GRM8: variants seen among roughly 807,000 people sequenced by gnomAD.
GRM8 encodes the protein metabotropic glutamate receptor 8.
GRM8 carries 47 observed loss-of-function variants against 87.2 expected under a neutral mutation model. The observed-to-expected ratio is 0.54, with a 90% CI of 0.43 to 0.69. The LOEUF is 0.69. Among genes scored for constraint, GRM8 ranks in the 30% least tolerant of loss-of-function variants. The pLI, the probability that GRM8 is intolerant of heterozygous loss-of-function variation, is 0.00. For missense variants in GRM8, 1,019 were observed against 1,139.2 expected, an observed-to-expected ratio of 0.89 and a Z score of 1.52; for synonymous variants, 396 against 404.5, an observed-to-expected ratio of 0.98 and a Z score of 0.25.
chr7:127,021,222 A>G (rs970994824), intron 3 of GRM8, among the ~76,000 whole-genome samples: 11 of 151,950 alleles, frequency 7.2e-5, no homozygotes, highest in Admixed American at 6.6e-4. Context: ...CTTGGCTTCC[A>G]CACTGTATAG....
At chr7:126,730,107 G>T (rs992354119) in intron 7 of GRM8, among the ~76,000 whole-genome samples, 8 of 152,168 alleles carry the variant, frequency 5.3e-5, no homozygotes, top group Non-Finnish European at 1.2e-4. Flanking sequence ...TAATGTAAGA[G>T]TAATGTTTGA....
chr7:127,135,491 T>C (rs1827898091), intron 2 of GRM8, among the ~76,000 whole-genome samples: 1 of 151,950 alleles, frequency 6.6e-6, no homozygotes, highest in Non-Finnish European at 1.5e-5. Context: ...AGATTTAACA[T>C]TGTTCTGTAG....
intron 7 of GRM8, among the ~76,000 whole-genome samples, chr7:126,710,304 G>A (rs372618537): frequency 6.6e-6 from 1 of 152,080 alleles, no homozygotes; most frequent in Admixed American, 6.6e-5. Context: ...ATAAAGTACG[G>A]CATTGATTGA....
intron 6 of GRM8, among the ~76,000 whole-genome samples, chr7:126,829,350 G>C (rs1233968553): frequency 7.5e-6 from 1 of 134,120 alleles, no homozygotes; most frequent in Admixed American, 7.7e-5. Flanking sequence ...TCTCTTTGTA[G>C]GTCACTCAGG....
At chr7:127,007,049 C>CCCAT (rs552787106) in intron 3 of GRM8, among the ~76,000 whole-genome samples, 95 of 152,058 alleles carry the variant, frequency 6.2e-4, no homozygotes, top group African/African-American at 2.0e-3. Context: ...GAAGGTGGAA[C>CCCAT]CCATCTTTCC....
intron 8 of GRM8, among the ~76,000 whole-genome samples, 145 bp downstream of exon 8, chr7:126,609,208 ATAACATTTT>A (rs1798667040): frequency 6.6e-6 from 1 of 152,250 alleles, no homozygotes; most frequent in Admixed American, 6.5e-5. Context: ...AAGAATGTCC[ATAACATTTT>A]TAAATTGAAG....
intron 7 of GRM8, among the ~76,000 whole-genome samples, chr7:126,737,948 C>T (rs1814428331): frequency 6.6e-6 from 1 of 152,018 alleles, no homozygotes; most frequent in African/African-American, 2.4e-5. Context: ...AGAAGCCTTT[C>T]TAGAGGTGAC....
At chr7:127,250,797 C>T (rs1398988352) in intron 1 of GRM8, 1 of 152,178 alleles carries the variant, frequency 6.6e-6, no homozygotes, top group Non-Finnish European at 1.5e-5. Flanking sequence ...AATTTCATAA[C>T]GGAAAGTGGA....
intron 7 of GRM8, among the ~76,000 whole-genome samples, chr7:126,758,999 G>C (rs1395815441): frequency 6.6e-6 from 1 of 152,052 alleles, no homozygotes; most frequent in Non-Finnish European, 1.5e-5. Flanking sequence ...CTGGGTTCAA[G>C]AGATTCTCCT....
intron 7 of GRM8, among the ~76,000 whole-genome samples, chr7:126,725,878 T>C (rs980611123): frequency 1.3e-5 from 2 of 152,114 alleles, no homozygotes; most frequent in African/African-American, 4.8e-5. Context: ...CACAACCAGA[T>C]ATCCTGTGAA....
chr7:126,619,184 C>T (rs981315110), intron 7 of GRM8, among the ~76,000 whole-genome samples: 4 of 152,294 alleles, frequency 2.6e-5, no homozygotes, highest in Middle Eastern at 3.4e-3. Context: ...CCACGGAGTA[C>T]TATGCAGTCA....
intron 6 of GRM8, among the ~76,000 whole-genome samples, chr7:126,879,556 T>C (rs1799842235): frequency 6.6e-6 from 1 of 152,180 alleles, no homozygotes; most frequent in Non-Finnish European, 1.5e-5. Context: ...TACCCTTATT[T>C]CCAGAATTTT....
chr7:126,468,977 T>C (rs866845896), intron 9 of GRM8, among the ~76,000 whole-genome samples: 3 of 152,102 alleles, frequency 2.0e-5, no homozygotes, highest in East Asian at 3.9e-4. Context: ...GAAAAGACAA[T>C]TGGAGAACTT....
chr7:126,444,482 G>T (rs1360643546), intron 10 of GRM8, among the ~76,000 whole-genome samples: 1 of 152,016 alleles, frequency 6.6e-6, no homozygotes, highest in East Asian at 1.9e-4. Flanking sequence ...TTCTTGTAAG[G>T]TTCATTTCTC....
intron 3 of GRM8, 137 bp from the exon 4 acceptor site, chr7:126,904,820 G>T: frequency 1.4e-6 from 1 of 736,204 alleles, no homozygotes; most frequent in Non-Finnish European, 2.3e-6. Context: ...CACCTATTAA[G>T]AGCAATTGTT....
rs985995336 is a variant in GRM8, at chr7:126,628,807, T to C, written c.1358-19309A>G. On this transcript the variant is annotated intron_variant, in intron 7 of 10. Transcript: ENST00000339582. ...AGTGTTTTCATAGATGCATATTACA[T>C]TTTTAAATAACTAACTAAATAAATG... is the stretch of plus-strand genomic sequence containing the variant. Among the ~76,000 whole-genome samples the C allele has an allele frequency of 2.4e-4, 37 of 152,204 alleles. 1 individual carries two copies. The highest frequency in any genetic ancestry group is 8.4e-4 in the African/African-American group (35 of 41,548).
At chr7:126,580,899 T>C (rs1380110834) in intron 8 of GRM8, among the ~76,000 whole-genome samples, 2 of 151,954 alleles carry the variant, frequency 1.3e-5, no homozygotes, top group African/African-American at 4.8e-5. Flanking sequence ...GTATACCTAA[T>C]ACCCACTTCT....
chr7:126,638,486 T>C (rs112674381), intron 7 of GRM8, among the ~76,000 whole-genome samples: 69 of 152,312 alleles, frequency 4.5e-4, no homozygotes, highest in African/African-American at 1.6e-3. Context: ...GTTAAATAAC[T>C]CAATGCAGGA....
intron 3 of GRM8, among the ~76,000 whole-genome samples, chr7:126,979,550 T>A (rs1811325235): frequency 1.3e-5 from 2 of 152,168 alleles, no homozygotes; most frequent in Non-Finnish European, 2.9e-5. Context: ...TCGAATGCAA[T>A]TATCGTTCAT....
Sources: gnomAD v4.1 joint callset for allele counts (sites outside exome capture counted in the v4.1 genomes callset) on GRCh38, gnomAD v4.1.1 for gene constraint, MANE v1.5 for transcripts, NCBI Gene and HGNC (gene_info 2026-07-23, HGNC 2026-07-21) for gene names.